PPFIA2: variants seen among roughly 807,000 people sequenced by gnomAD.
PPFIA2 encodes the protein PPFI scaffold protein A2.
PPFIA2 carries 46 observed loss-of-function variants against 175.5 expected under a neutral mutation model. That is an observed-to-expected ratio of 0.26 (90% confidence interval 0.21 to 0.34). The LOEUF (loss-of-function observed/expected upper bound fraction) is 0.34, where lower values mean the gene tolerates loss of function less well. Ranked by LOEUF, PPFIA2 falls within the 10% of genes least tolerant of loss-of-function variation. The pLI is 1.00. For missense variants in PPFIA2, 1,179 were observed against 1,506.1 expected (o/e 0.78, Z 3.60); for synonymous variants, 568 against 511.4 (o/e 1.11, Z -1.49).
chr12:81,697,713 A>G (rs190115214), intron 3 of PPFIA2, among the ~76,000 whole-genome samples: 1 of 152,244 alleles, frequency 6.6e-6, no homozygotes, highest in East Asian at 1.9e-4. Flanking sequence ...CTCCTTCACT[A>G]TTTAGAACAT....
intron 22 of PPFIA2, among the ~76,000 whole-genome samples, chr12:81,313,558 C>G (rs1280401877): frequency 6.6e-6 from 1 of 152,076 alleles, no homozygotes; most frequent in Non-Finnish European, 1.5e-5. Flanking sequence ...AACACTGGCA[C>G]TACACTGTCC....
intron 28 of PPFIA2, among the ~76,000 whole-genome samples, chr12:81,273,945 G>T (rs1359349362): frequency 6.8e-6 from 1 of 147,636 alleles, no homozygotes; most frequent in Non-Finnish European, 1.5e-5. Context: ...TACTATATAA[G>T]GAAATTTTAT....
At chr12:81,643,169 T>C (rs2065587794) in intron 4 of PPFIA2, among the ~76,000 whole-genome samples, 2 of 150,890 alleles carry the variant, frequency 1.3e-5, no homozygotes, top group African/African-American at 2.4e-5. Context: ...AAAAATAAAA[T>C]ATACTATCAT....
chr12:81,698,689 T>C (rs908032124), intron 3 of PPFIA2, among the ~76,000 whole-genome samples: 6 of 152,098 alleles, frequency 3.9e-5, no homozygotes, highest in Non-Finnish European at 7.4e-5. Context: ...CCATTCCCTA[T>C]GCCTGTGGAA....
intron 21 of PPFIA2, among the ~76,000 whole-genome samples, chr12:81,333,874 G>A (rs757758690): frequency 1.9e-4 from 29 of 152,078 alleles, no homozygotes; most frequent in Non-Finnish European, 1.5e-4. Context: ...ATCATGCCAC[G>A]AGAAACTTTG....
chr12:81,701,974 T>A (rs2076545256), intron 3 of PPFIA2, among the ~76,000 whole-genome samples: 1 of 149,220 alleles, frequency 6.7e-6, no homozygotes, highest in African/African-American at 2.5e-5. Context: ...TTTACAAGAT[T>A]TAAGTAAGTG....
At chr12:81,719,310 C>T (rs1284817847) in intron 3 of PPFIA2, among the ~76,000 whole-genome samples, 2 of 151,500 alleles carry the variant, frequency 1.3e-5, no homozygotes, top group African/African-American at 4.8e-5. Flanking sequence ...AATGCAAAGC[C>T]ATATCTTGTT....
chr12:81,258,294 G>A lies in PPFIA2; in HGVS notation c.*1400C>T, dbSNP rs187003969. 7.9e-5 allele frequency: 12 copies of A among 151,984 alleles called. No individual in the cohort carries two copies. Among genetic ancestry groups the A allele is most frequent in the African/African-American group, 2.7e-4 (11 of 41,410 alleles). 9.4% of individuals were successfully genotyped at this position (151,984 alleles called of 1,614,324 possible). ...AATTATTATTTTTTTTATTGACAAT[G>A]GAAAGGGTTTCTGTTATCATTACCT... On this transcript the variant is annotated 3_prime_UTR_variant, in exon 33 of 33. Coordinates refer to ENST00000549396, the MANE Select transcript of PPFIA2 (RefSeq NM_003625.5).
At chr12:81,490,971 C>G (rs1164558540) in intron 4 of PPFIA2, among the ~76,000 whole-genome samples, 1 of 151,976 alleles carries the variant, frequency 6.6e-6, no homozygotes, top group Non-Finnish European at 1.5e-5. Flanking sequence ...GCCTTATCTT[C>G]TGCCATGTCC....
At chr12:81,602,032 T>C (rs1282976587) in intron 4 of PPFIA2, among the ~76,000 whole-genome samples, 2 of 151,870 alleles carry the variant, frequency 1.3e-5, no homozygotes, top group Non-Finnish European at 2.9e-5. Flanking sequence ...ACTATCTTTC[T>C]ATATTGTGTG....
chr12:81,445,620 C>T lies in PPFIA2; in HGVS notation c.506G>A (p.Ser169Asn), dbSNP rs1593105065. ...CAGTGCCTTGAGAACTTCAACTTCACTGGATACTCCTGAGGGAGACTGGGC... is the reference window on the plus strand; with the variant it reads ...CAGTGCCTTGAGAACTTCAACTTCATTGGATACTCCTGAGGGAGACTGGGC... ...RQAQSPSGVSSEVEVLKALKS... is the reference protein window; with the variant it reads ...RQAQSPSGVSNEVEVLKALKS... Residue 169 changes from serine to asparagine, a missense_variant, in exon 6 of 33, where the codon AGT becomes AAT. Around this residue, in one of 10 missense-constraint regions of PPFIA2, gnomAD observed 49 missense variants for 108.9 expected, o/e 0.45. Coordinates refer to ENST00000549396, the MANE Select transcript of PPFIA2 (RefSeq NM_003625.5). 8.7e-6 allele frequency: 14 copies of T among 1,613,752 alleles called. No homozygotes were observed. In the East Asian group the frequency reaches 3.1e-4, roughly 36 times the overall value.
At chr12:81,270,578 C>A (rs117475243) in intron 28 of PPFIA2, 5,854 of 152,272 alleles carry the variant, frequency 0.038, 158 homozygotes, top group South Asian at 0.059. Context: ...ATGTTCCTAC[C>A]CGCCAAAGAA....
At chr12:81,646,480 G>A (rs1595958597) in intron 4 of PPFIA2, among the ~76,000 whole-genome samples, 2 of 152,116 alleles carry the variant, frequency 1.3e-5, no homozygotes, top group African/African-American at 4.8e-5. Context: ...CAGTAAGTAG[G>A]AAGCCACAAT....
At chr12:81,333,719 G>C (rs897972032) in intron 21 of PPFIA2, among the ~76,000 whole-genome samples, 9 of 152,008 alleles carry the variant, frequency 5.9e-5, no homozygotes, top group South Asian at 4.2e-4. Flanking sequence ...TTTTTGGTGG[G>C]GGGGATAGCA....
At chr12:81,299,158 T>C (rs906756794) in intron 23 of PPFIA2, 143 bp downstream of exon 23, 4 of 1,084,180 alleles carry the variant, frequency 3.7e-6, no homozygotes, top group Admixed American at 3.1e-5. Context: ...CATAAATTTA[T>C]TCCCTAGTAA....
intron 12 of PPFIA2, 70 bp downstream of exon 12, chr12:81,369,041 T>C (rs2034368779): frequency 7.3e-7 from 1 of 1,364,940 alleles, no homozygotes; most frequent in Admixed American, 2.2e-5. Context: ...AGTTAAAGGC[T>C]TTCTTCTTAT....
At chr12:81,690,278 T>C (rs1350273232) in intron 3 of PPFIA2, among the ~76,000 whole-genome samples, 2 of 152,104 alleles carry the variant, frequency 1.3e-5, no homozygotes, top group Non-Finnish European at 2.9e-5. Flanking sequence ...GACCAGTATT[T>C]CCATATCCTT....
chr12:81,554,603 A>C (rs1156258569), intron 4 of PPFIA2, among the ~76,000 whole-genome samples: 6 of 152,080 alleles, frequency 3.9e-5, no homozygotes, highest in African/African-American at 1.4e-4. Flanking sequence ...AATGTTCAAG[A>C]AATCTTCTGA....
intron 4 of PPFIA2, among the ~76,000 whole-genome samples, chr12:81,507,917 C>G (rs2061349964): frequency 6.6e-6 from 1 of 152,040 alleles, no homozygotes; most frequent in African/African-American, 2.4e-5. Flanking sequence ...AATCTGAAAC[C>G]CTATCACATA....
Sources: gnomAD v4.1 joint callset for allele counts (sites outside exome capture counted in the v4.1 genomes callset) on GRCh38, gnomAD v4.1.1 for gene constraint, gnomAD v4.1.1 regional missense constraint, MANE v1.5 for transcripts, NCBI Gene and HGNC (gene_info 2026-07-23, HGNC 2026-07-21) for gene names.